The following FER variants were observed in gnomAD, a reference collection of about 807,000 sequenced individuals.
The protein encoded by FER is tyrosine-protein kinase Fer.
Under a neutral mutation model 111.0 loss-of-function variants are expected in FER, and 63 were observed. That is an observed-to-expected ratio of 0.57 (90% CI 0.46 to 0.70). FER has a LOEUF of 0.70. Among genes scored for constraint, FER ranks in the 30% least tolerant of loss-of-function variants. The probability of loss-of-function intolerance (pLI) is 0.00; values close to 1 mark genes in which losing one functional copy is unlikely to be tolerated. For missense variants in FER, 914 were observed against 954.0 expected (o/e 0.96, Z 0.55); for synonymous variants, 327 against 313.9 (o/e 1.04, Z -0.44).
intron 10 of FER, among the ~76,000 whole-genome samples, chr5:108,898,877 G>A (rs2150331346): frequency 6.6e-6 from 1 of 151,208 alleles, no homozygotes; most frequent in East Asian, 2.0e-4. Flanking sequence ...GCACAGAACA[G>A]CCCCTCCCTT....
At chr5:108,867,488 T>C (rs898122563) in intron 5 of FER, among the ~76,000 whole-genome samples, 1 of 152,144 alleles carries the variant, frequency 6.6e-6, no homozygotes, top group African/African-American at 2.4e-5. Flanking sequence ...TTCTTGAAGA[T>C]GAAAAGGATC....
At chr5:108,931,123 A>G (rs1754606885) in intron 10 of FER, among the ~76,000 whole-genome samples, 1 of 152,214 alleles carries the variant, frequency 6.6e-6, no homozygotes, top group African/African-American at 2.4e-5. Flanking sequence ...AGGACCTGCT[A>G]TATAGTGTTC....
At chr5:108,861,194 G>A (rs978798700) in intron 5 of FER, among the ~76,000 whole-genome samples, 1 of 152,120 alleles carries the variant, frequency 6.6e-6, no homozygotes, top group Non-Finnish European at 1.5e-5. Flanking sequence ...TTTATTTTTA[G>A]AAAATAATCA....
chr5:108,817,761 C>T (rs902908374), intron 3 of FER, among the ~76,000 whole-genome samples: 4 of 152,244 alleles, frequency 2.6e-5, no homozygotes, highest in South Asian at 2.1e-4. Flanking sequence ...ATTTAGAGGG[C>T]AAGAAAGGAC....
chr5:109,182,389 T>G (rs1402664189), intron 18 of FER, among the ~76,000 whole-genome samples: 1 of 152,180 alleles, frequency 6.6e-6, no homozygotes, highest in Non-Finnish European at 1.5e-5. Context: ...GCAAGCCAGT[T>G]CCACTATTCC....
chr5:109,086,537 T>A (rs1181434248), intron 16 of FER, among the ~76,000 whole-genome samples: 2 of 151,662 alleles, frequency 1.3e-5, no homozygotes, highest in Non-Finnish European at 3.0e-5. Context: ...TGCTGCCCTT[T>A]ATTATTTCCT....
chr5:108,786,494 T>C (rs1754730716), intron 2 of FER, among the ~76,000 whole-genome samples: 1 of 152,148 alleles, frequency 6.6e-6, no homozygotes, highest in Admixed American at 6.5e-5. Flanking sequence ...TGTTTAAATT[T>C]TTGTTTTGTG....
intron 8 of FER, among the ~76,000 whole-genome samples, chr5:108,879,693 T>TAAAAAAA (rs59305064): frequency 8.6e-6 from 1 of 116,688 alleles, no homozygotes; most frequent in African/African-American, 3.8e-5. Flanking sequence ...TTTTTTAGAT[T>TAAAAAAA]AAAAAAAAAT....
intron 13 of FER, among the ~76,000 whole-genome samples, chr5:108,995,796 TG>T (rs1271963539): frequency 6.6e-6 from 1 of 152,220 alleles, no homozygotes; most frequent in Non-Finnish European, 1.5e-5. Context: ...ATGGGATTGC[TG>T]GGTCAAATGG....
At chr5:108,993,592 A>AGAGGGC (rs1191636183) in intron 13 of FER, among the ~76,000 whole-genome samples, 4 of 125,120 alleles carry the variant, frequency 3.2e-5, no homozygotes, top group Non-Finnish European at 6.6e-5. Context: ...AGGGAGAGGG[A>AGAGGGC]GAGGGCGAGG....
chr5:109,008,445 GA>G (rs1364653501), intron 13 of FER, among the ~76,000 whole-genome samples: 1 of 152,078 alleles, frequency 6.6e-6, no homozygotes, highest in Non-Finnish European at 1.5e-5. Context: ...ACCTGAAGAA[GA>G]AACACTTGCA....
At chr5:109,120,087 C>G (rs946393891) in intron 17 of FER, among the ~76,000 whole-genome samples, 2 of 151,940 alleles carry the variant, frequency 1.3e-5, no homozygotes, top group Non-Finnish European at 2.9e-5. Flanking sequence ...ACTTTATTTT[C>G]TTTGCTGTGC....
intron 13 of FER, among the ~76,000 whole-genome samples, chr5:108,964,212 G>A (rs1201931026): frequency 1.3e-5 from 2 of 152,098 alleles, no homozygotes; most frequent in Non-Finnish European, 2.9e-5. Context: ...ATGAAGTAGG[G>A]TAAGGAGATA....
intron 16 of FER, among the ~76,000 whole-genome samples, chr5:109,091,657 A>T (rs551015924): frequency 6.6e-6 from 1 of 152,156 alleles, no homozygotes; most frequent in Non-Finnish European, 1.5e-5. Context: ...GAGAGCGGCA[A>T]TGTACACTGC....
At chr5:108,788,427 A>G (rs930666556) in intron 2 of FER, among the ~76,000 whole-genome samples, 1 of 151,940 alleles carries the variant, frequency 6.6e-6, no homozygotes, top group Non-Finnish European at 1.5e-5. Context: ...GGCTGAGTGG[A>G]TGGAATGAGT....
At chr5:109,133,092 G>A (rs17450560) in intron 17 of FER, among the ~76,000 whole-genome samples, 15,951 of 152,124 alleles carry the variant, frequency 0.1, 846 homozygotes, top group Non-Finnish European at 0.12. Context: ...TGTAACTTTC[G>A]GTTTTATTGG....
chr5:109,174,476 C>T (rs901806312), intron 17 of FER, among the ~76,000 whole-genome samples: 1 of 152,078 alleles, frequency 6.6e-6, no homozygotes, highest in Non-Finnish European at 1.5e-5. Context: ...TTGCCAAAGA[C>T]ACCCCACCTT....
At chr5:109,172,881 A>G (rs1185158457) in intron 17 of FER, among the ~76,000 whole-genome samples, 4 of 152,206 alleles carry the variant, frequency 2.6e-5, no homozygotes. Context: ...ATATCTGACT[A>G]TACAAATTTA....
At chr5:109,101,697 C>T (rs1365889267) in intron 17 of FER, among the ~76,000 whole-genome samples, 1 of 152,004 alleles carries the variant, frequency 6.6e-6, no homozygotes, top group African/African-American at 2.4e-5. Context: ...CTTTCTATGA[C>T]TGTAGATTGA....
Sources: allele counts gnomAD v4.1 joint callset (sites outside exome capture counted in the v4.1 genomes callset), GRCh38; gene constraint gnomAD v4.1.1; transcripts MANE v1.5; gene names NCBI Gene and HGNC (gene_info 2026-07-23, HGNC 2026-07-21).